MPP2: variants seen among roughly 807,000 people sequenced by gnomAD.
The protein encoded by MPP2 is MAGUK p55 scaffold protein 2.
Under a neutral mutation model 58.5 loss-of-function variants are expected in MPP2, and 42 were observed. The ratio of observed to expected loss-of-function variants is 0.72; its 90% CI spans 0.56 to 0.93. The LOEUF is 0.93. MPP2 is among the 40% of genes least tolerant of loss of function. MPP2 has a pLI of 0.00. For synonymous variants in MPP2, 300 were observed against 307.8 expected (o/e 0.97, Z 0.26); for missense variants, 632 against 760.4 (o/e 0.83, Z 1.99).
chr17:43,881,343 G>A lies in MPP2; in HGVS notation c.820C>T (p.His274Tyr), dbSNP rs762079137. 9 of 1,613,964 alleles carry A rather than the reference G, an allele frequency of 5.6e-6. No individual in the cohort carries two copies. Among genetic ancestry groups the A allele is most frequent in the African/African-American group, 1.3e-5 (1 of 74,898 alleles). The change falls in exon 8 of 13, where the codon CAT becomes TAT. Residue 274 changes from histidine to tyrosine, a missense_variant. Transcript: ENST00000269095. ...QDDANWWQAC[H>Y]VEGGSAGLIP... ...AGCCCAGCACTGCCCCCTTCGACAT[G>A]GCATGCCTAAAACGGACATGAGACC...
At chr17:43,907,240 C>T (rs1597822807) in intron 1 of MPP2, 2 of 985,552 alleles carry the variant, frequency 2.0e-6, no homozygotes, top group South Asian at 4.7e-5. Context: ...CTTTGGAGCC[C>T]CTACCGCAGG....
At chr17:43,886,949 T>TTC (rs1477868155) in intron 3 of MPP2, among the ~76,000 whole-genome samples, 1 of 152,186 alleles carries the variant, frequency 6.6e-6, no homozygotes, top group Non-Finnish European at 1.5e-5. Context: ...AAAAAATGTT[T>TTC]TCTCTCTATT....
Position 43,879,550 on chromosome 17 carries a change from G to A in MPP2, c.1354-147C>T, listed in dbSNP as rs1002342208. ...CGGGGGTCTGGGACATGAGTCCTGG[G>A]ACAAATGACAAACAGCTGGCAGGTG... On this transcript the variant is annotated intron_variant, in intron 11 of 12. Transcript: ENST00000269095. The surrounding 1 kb of genome is among the most constrained non-coding windows in gnomAD (Gnocchi z 4.1). 5 of 1,081,498 alleles carry A rather than the reference G, an allele frequency of 4.6e-6. No homozygotes were observed. The highest frequency in any genetic ancestry group is 1.6e-5 in the African/African-American group (1 of 63,656). The allele number at this position is 1,081,498 out of a possible 1,614,324, so 67.0% of individuals were successfully genotyped here.
rs530527900 is a variant in MPP2 at position 43,886,157 on chromosome 17, G to C, written c.151-2802C>G. 3.3e-5 allele frequency among the ~76,000 whole-genome samples: 5 copies of C among 151,750 alleles called. No homozygotes were observed. In the South Asian group the frequency reaches 1.0e-3, roughly 32 times the overall value. On this transcript the variant is annotated intron_variant, in intron 3 of 12. Coordinates refer to ENST00000269095, the MANE Select transcript of MPP2 (RefSeq NM_005374.5). Reference sequence around the variant, plus strand: ...ATTGCCCTTTCTTACATAAAACACAGAACACTGTATATACCCTTTGATACC... The same window carrying C: ...ATTGCCCTTTCTTACATAAAACACACAACACTGTATATACCCTTTGATACC...
At chr17:43,892,982 TGATGGATGGATG>T (rs6146066) in intron 3 of MPP2, among the ~76,000 whole-genome samples, 6,543 of 150,312 alleles carry the variant, frequency 0.044, 446 homozygotes, top group African/African-American at 0.14. Flanking sequence ...AATAGGTATT[TGATGGATGGATG>T]GATGGATGGA....
intron 2 of MPP2, 47 bp downstream of exon 2, chr17:43,904,383 A>G: frequency 1.3e-6 from 2 of 1,598,580 alleles, no homozygotes; most frequent in East Asian, 4.5e-5. Context: ...CTCGCCTGGC[A>G]CCCTCTGAAC....
At chr17:43,900,403 G>A (rs1368726087) in intron 2 of MPP2, 3 of 1,519,582 alleles carry the variant, frequency 2.0e-6, no homozygotes, top group South Asian at 2.5e-5. Flanking sequence ...CAGATGCCCC[G>A]ACTCTGCTGG....
At chr17:43,909,005 C>T (rs2048376422), upstream of MPP2, among the ~76,000 whole-genome samples, 1 of 152,198 alleles carries the variant, frequency 6.6e-6, no homozygotes, top group Non-Finnish European at 1.5e-5. Context: ...GTTCTTGGAG[C>T]GCATTGCTTG....
In MPP2 at chr17:43,903,308, AG is replaced by A. The variant is rs1317407699; in HGVS notation, c.31+1121del. On this transcript the variant is annotated intron_variant, in intron 2 of 12. Coordinates refer to ENST00000269095, the MANE Select transcript of MPP2 (RefSeq NM_005374.5). ...AAAAAAAAGAAAAAGAAAAAAGTTA[AG>A]AACACTGATCTTGTCCCATCATCTC... 2.0e-5 allele frequency among the ~76,000 whole-genome samples: 3 copies of A among 152,030 alleles called. No homozygotes were observed. The East Asian group carries it at 5.8e-4, about 29-fold the overall frequency.
chr17:43,901,928 A>T (rs1383888371), intron 2 of MPP2, among the ~76,000 whole-genome samples: 1 of 152,140 alleles, frequency 6.6e-6, no homozygotes, highest in Non-Finnish European at 1.5e-5. Flanking sequence ...AAAGGATCTT[A>T]TTAGCTTTGC....
At chr17:43,883,634 C>A (rs1214119426) in intron 3 of MPP2, among the ~76,000 whole-genome samples, 2 of 152,180 alleles carry the variant, frequency 1.3e-5, no homozygotes, top group African/African-American at 4.8e-5. Context: ...TTAGAAGTTA[C>A]CAAATTGTCC....
chr17:43,884,535 C>G (rs2047283540), intron 3 of MPP2, among the ~76,000 whole-genome samples: 1 of 152,116 alleles, frequency 6.6e-6, no homozygotes, highest in African/African-American at 2.4e-5. Context: ...TTTTTAGACT[C>G]CAGGCCAGTA....
intron 1 of MPP2, chr17:43,905,969 G>A (rs1192265681): frequency 7.1e-6 from 3 of 424,684 alleles, no homozygotes; most frequent in Middle Eastern, 1.2e-3. Flanking sequence ...CACCCAGGCT[G>A]GAAGAAATGC....
In MPP2 at chr17:43,879,297, C is replaced by T. The variant is rs969542279; in HGVS notation, c.1460G>A (p.Gly487Glu). 1.2e-6 allele frequency: 2 copies of T among 1,613,596 alleles called. No homozygotes were observed. The highest frequency in any genetic ancestry group is 1.7e-6 in the Non-Finnish European group (2 of 1,179,582). ...RAMNRAALES[G>E]ISTKQLTEAD... ...CACCGTGAGCTGCTTGGTGGATATT[C>T]CACTCTCCAGCGCAGCCCTGTTCAT... The change falls in exon 12 of 13, where the codon GGA becomes GAA. Residue 487 changes from glycine (G) to glutamate (E), a missense_variant. Transcript: ENST00000269095. This position sits in a 1 kb window ranked among gnomAD's most constrained non-coding sequence, Gnocchi z 4.1.
chr17:43,878,670 G>A (rs559552034), intron 12 of MPP2, among the ~76,000 whole-genome samples: 105 of 152,330 alleles, frequency 6.9e-4, no homozygotes, highest in African/African-American at 2.5e-3. Context: ...CCCCAGGCAC[G>A]CTCTGACCTG....
chr17:43,908,551 A>G (rs1281993975), upstream of MPP2, among the ~76,000 whole-genome samples: 1 of 152,180 alleles, frequency 6.6e-6, no homozygotes, highest in African/African-American at 2.4e-5. Flanking sequence ...CCCAAGCAAC[A>G]TAGTGAAACC....
At chr17:43,892,427 G>A (rs1407753706) in intron 3 of MPP2, among the ~76,000 whole-genome samples, 1 of 152,232 alleles carries the variant, frequency 6.6e-6, no homozygotes, top group Non-Finnish European at 1.5e-5. Context: ...TGAGAAGGAG[G>A]AAGTAGGTCC....
rs367676406 is a variant in MPP2 at position 43,875,972 on chromosome 17, G to A, written c.*1835C>T. The A allele has an allele frequency of 6.6e-6, 1 of 152,204 alleles. No homozygotes were observed. Among genetic ancestry groups the A allele is most frequent in the East Asian group, 1.9e-4 (1 of 5,186 alleles). 9.4% of individuals were successfully genotyped at this position (152,204 alleles called of 1,614,324 possible). A position where few individuals can be genotyped will look rare whatever the true frequency, so the allele number is the denominator to read the frequency against. ...TTTCCTTCCCACTCCCTTAGGCTGAGGGTGATGCAAGGCAGAGCTGAATCA... is the reference window on the plus strand; with the variant it reads ...TTTCCTTCCCACTCCCTTAGGCTGAAGGTGATGCAAGGCAGAGCTGAATCA... On this transcript the variant is annotated 3_prime_UTR_variant, in exon 13 of 13. Coordinates refer to ENST00000269095, the MANE Select transcript of MPP2 (RefSeq NM_005374.5).
rs1429834592 is a variant in MPP2 at position 43,876,667 on chromosome 17, ACG to A, written c.*1138_*1139del. The A allele has an allele frequency of 1.7e-4, 6 of 35,682 alleles. No homozygotes were observed. The highest frequency in any genetic ancestry group is 0.056 in the East Asian group (1 of 18). The allele number at this position is 35,682 out of a possible 1,614,324, so 2.2% of individuals were successfully genotyped here. On this transcript the variant is annotated 3_prime_UTR_variant, in exon 13 of 13. Coordinates refer to ENST00000269095, the MANE Select transcript of MPP2 (RefSeq NM_005374.5). ...CACACACACACACACGCACGTGCAC[ACG>A]CACACACATACACACAACCTGGTGC... is the stretch of plus-strand genomic sequence containing the variant.
Sources: allele counts gnomAD v4.1 joint callset (sites outside exome capture counted in the v4.1 genomes callset), GRCh38; gene constraint gnomAD v4.1.1; non-coding constraint Gnocchi (gnomAD v3.1); transcripts MANE v1.5; gene names NCBI Gene and HGNC (gene_info 2026-07-23, HGNC 2026-07-21).